ERC1: variants seen among roughly 807,000 people sequenced by gnomAD.
ERC1 encodes ELKS/RAB6-interacting/CAST family member 1.
Under a neutral mutation model 132.0 loss-of-function variants are expected in ERC1, and 56 were observed. The ratio of observed to expected loss-of-function variants is 0.42; its 90% CI spans 0.34 to 0.53. The LOEUF (loss-of-function observed/expected upper bound fraction) is 0.53. Ranked by LOEUF, ERC1 falls within the 20% of genes least tolerant of loss-of-function variation. The pLI, the probability that ERC1 is intolerant of heterozygous loss-of-function variation, is 0.03. For synonymous variants in ERC1, 478 were observed against 476.1 expected (o/e 1.00, Z -0.05); for missense variants, 1,202 against 1,349.9 (o/e 0.89, Z 1.72).
Position 1,274,917 on chromosome 12 carries a change from T to C in ERC1, c.2619+11752T>C, listed in dbSNP as rs552700193. Among the ~76,000 whole-genome samples the C allele has an allele frequency of 5.9e-5, 9 of 152,296 alleles. No homozygotes were observed. In the South Asian group the frequency reaches 1.7e-3, roughly 28 times the overall value. On this transcript the variant is annotated intron_variant, in intron 14 of 18. Transcript: ENST00000360905. ...GGAACCACGTGTGTGGAGACCCTAA[T>C]GATGGAAATAGTTTGGCATAGTTCG...
intron 17 of ERC1, among the ~76,000 whole-genome samples, chr12:1,412,970 A>G (rs2091925894): frequency 6.6e-6 from 1 of 152,210 alleles, no homozygotes; most frequent in Admixed American, 6.5e-5. Flanking sequence ...CAAAGATTGA[A>G]AAGTTGTGAC....
chr12:1,072,058 G>A (rs961368375), intron 2 of ERC1, among the ~76,000 whole-genome samples: 7 of 149,618 alleles, frequency 4.7e-5, no homozygotes, highest in East Asian at 3.9e-4. Flanking sequence ...CCAAGATTGC[G>A]CCACTACACT....
intron 2 of ERC1, among the ~76,000 whole-genome samples, chr12:1,039,946 A>G (rs780563861): frequency 6.6e-6 from 1 of 152,144 alleles, no homozygotes; most frequent in African/African-American, 2.4e-5. Context: ...CTCTGTCTTT[A>G]TTGTGGTATT....
intron 16 of ERC1, among the ~76,000 whole-genome samples, chr12:1,393,833 G>GT (rs2090203561): frequency 6.9e-6 from 1 of 145,686 alleles, no homozygotes; most frequent in South Asian, 2.2e-4. Flanking sequence ...TGAGACCACG[G>GT]TGAAACCCCG....
chr12:1,490,352 C>T lies in ERC1; in HGVS notation c.*122C>T. 3.2e-6 allele frequency: 3 copies of T among 939,186 alleles called. No homozygotes were observed. Among genetic ancestry groups the T allele is most frequent in the Non-Finnish European group, 4.7e-6 (3 of 637,132 alleles). 58.2% of individuals were successfully genotyped at this position (939,186 alleles called of 1,614,324 possible). On this transcript the variant is annotated 3_prime_UTR_variant, in exon 19 of 19. Coordinates refer to ENST00000360905, the MANE Select transcript of ERC1 (RefSeq NM_178040.4). ...TACAAACTTCATCCCAACTTGCTCA[C>T]TTGAAGAAGTGTGATTCCAGCACCG...
Position 1,115,934 on chromosome 12 carries a change from A to C in ERC1, c.1470A>C (p.Glu490Asp), listed in dbSNP as rs1275799261. The change falls in exon 7 of 19, where the codon GAA becomes GAC. Residue 490 changes from glutamate (E) to aspartate (D), a missense_variant. Transcript: ENST00000360905. Reference protein sequence around the residue: ...TELLALQTKLETLTNQFSDSK... With the variant: ...TELLALQTKLDTLTNQFSDSK... ...TACTCGCCCTGCAGACAAAGCTAGA[A>C]ACACTCACAAACCAGTTCTCAGATA... 2.5e-6 allele frequency: 4 copies of C among 1,614,084 alleles called. No individual in the cohort carries two copies. The African/African-American group carries it at 5.3e-5, about 22-fold the overall frequency.
chr12:1,052,634 C>A (rs1972219918), intron 2 of ERC1, among the ~76,000 whole-genome samples: 1 of 152,088 alleles, frequency 6.6e-6, no homozygotes, highest in Admixed American at 6.6e-5. Flanking sequence ...AGATTGTATA[C>A]TCCATCTGAG....
At chr12:1,258,870 T>A (rs542173382) in intron 13 of ERC1, among the ~76,000 whole-genome samples, 1 of 152,320 alleles carries the variant, frequency 6.6e-6, no homozygotes, top group African/African-American at 2.4e-5. Context: ...CATGTTTTGT[T>A]CTCTTTACCT....
chr12:1,381,386 C>G (rs1407002460), intron 16 of ERC1, among the ~76,000 whole-genome samples: 2 of 152,154 alleles, frequency 1.3e-5, no homozygotes, highest in Admixed American at 6.5e-5. Context: ...GAGACTCACT[C>G]TGGTGCCCAG....
intron 16 of ERC1, among the ~76,000 whole-genome samples, chr12:1,402,088 A>C (rs1462143682): frequency 6.6e-6 from 1 of 152,226 alleles, no homozygotes; most frequent in Non-Finnish European, 1.5e-5. Context: ...AGATTTTGCA[A>C]ATTAGAAAAT....
chr12:1,192,520 C>G (rs1294755225), intron 12 of ERC1, among the ~76,000 whole-genome samples: 1 of 152,076 alleles, frequency 6.6e-6, no homozygotes, highest in Non-Finnish European at 1.5e-5. Context: ...TTCTTTTTGT[C>G]TTACCATGGT....
At chr12:1,013,928 G>A (rs2154140684) in intron 1 of ERC1, among the ~76,000 whole-genome samples, 1 of 152,110 alleles carries the variant, frequency 6.6e-6, no homozygotes, top group Admixed American at 6.6e-5. Flanking sequence ...TGGAGACGAG[G>A]TCTTGCCGTG....
rs199631504 is a variant in ERC1 at position 1,455,527 on chromosome 12, C to G, written c.3213+10777C>G. 3.9e-5 allele frequency among the ~76,000 whole-genome samples: 6 copies of G among 152,316 alleles called. No homozygotes were observed. The East Asian group carries it at 1.2e-3, about 29-fold the overall frequency. The stretch of plus-strand genomic sequence containing the variant: ...TTCTGCACTGCGCTTAGAATTTCTC[C>G]TCATGTATAAGATGTGCTGGTTGCA... On this transcript the variant is annotated intron_variant, in intron 18 of 18. Transcript: ENST00000360905.
chr12:1,011,406 G>A (rs867659407), intron 1 of ERC1, among the ~76,000 whole-genome samples: 2 of 151,990 alleles, frequency 1.3e-5, no homozygotes, highest in East Asian at 1.9e-4. Flanking sequence ...GGGTCTCTCC[G>A]TATTGCCCAG....
chr12:1,492,971 T>A lies in ERC1; in HGVS notation c.*2741T>A, dbSNP rs1196576897. The stretch of plus-strand genomic sequence containing the variant: ...AACTCAGTGCAGGTTGCCCTTAATT[T>A]TCCCCAAACCCCTCCATCGGCAAGT... On this transcript the variant is annotated 3_prime_UTR_variant, in exon 19 of 19. Coordinates refer to ENST00000360905, the MANE Select transcript of ERC1 (RefSeq NM_178040.4). 4.4e-6 allele frequency: 1 copy of A among 226,466 alleles called. No individual in the cohort carries two copies. Among genetic ancestry groups the A allele is most frequent in the Non-Finnish European group, 8.8e-6 (1 of 113,918 alleles). 14.0% of individuals were successfully genotyped at this position (226,466 alleles called of 1,614,324 possible). A position where few individuals can be genotyped will look rare whatever the true frequency, so the allele number is the denominator to read the frequency against.
intron 17 of ERC1, among the ~76,000 whole-genome samples, chr12:1,415,163 G>A (rs571714258): frequency 6.6e-6 from 1 of 152,188 alleles, no homozygotes; most frequent in Non-Finnish European, 1.5e-5. Context: ...CCTTCGGGTA[G>A]AAACTTTCCT....
chr12:1,364,277 C>T (rs2086447203), intron 15 of ERC1, among the ~76,000 whole-genome samples: 1 of 152,198 alleles, frequency 6.6e-6, no homozygotes, highest in African/African-American at 2.4e-5. Context: ...GGCCTTTCCC[C>T]TTGCAGAATC....
intron 18 of ERC1, chr12:1,480,705 G>T: frequency 1.7e-6 from 1 of 602,650 alleles, no homozygotes; most frequent in Admixed American, 2.4e-5. Context: ...CCTGCCTTGA[G>T]GAGGTGAGGA....
chr12:1,348,018 G>A lies in ERC1; in HGVS notation c.2781-23815G>A, dbSNP rs566626872. Among the ~76,000 whole-genome samples, 278 of 152,160 alleles carry A rather than the reference G, an allele frequency of 1.8e-3. 2 individuals carry two copies. The highest frequency in any genetic ancestry group is 4.7e-3 in the Admixed American group (72 of 15,278). On this transcript the variant is annotated intron_variant, in intron 15 of 18. Coordinates refer to ENST00000360905, the MANE Select transcript of ERC1 (RefSeq NM_178040.4). ...AAATTATAATTGAAAATGAACACAG[G>A]TTTCTTGTATGTCTCTCCACTTAGT... is the stretch of plus-strand genomic sequence containing the variant.
Sources: allele counts gnomAD v4.1 joint callset (sites outside exome capture counted in the v4.1 genomes callset), GRCh38; gene constraint gnomAD v4.1.1; transcripts MANE v1.5; gene names NCBI Gene and HGNC (gene_info 2026-07-23, HGNC 2026-07-21).